Variants in ZNF124 observed in about 807,000 individuals in gnomAD.
The protein encoded by ZNF124 is zinc finger protein 124, also known as zinc finger protein HZF-16.
Under a neutral mutation model 26.6 loss-of-function variants are expected in ZNF124, and 25 were observed. The ratio of observed to expected loss-of-function variants is 0.94; its 90% CI spans 0.68 to 1.31. The LOEUF (loss-of-function observed/expected upper bound fraction) is 1.31. ZNF124 is among the 40% of genes most tolerant of loss of function. ZNF124 has a pLI of 0.00. For missense variants in ZNF124, 444 were observed against 422.2 expected (o/e 1.05, Z -0.45); for synonymous variants, 129 against 133.3 (o/e 0.97, Z 0.22).
chr1:247,130,224 T>C (rs1300854459), intron 3 of ZNF124, among the ~76,000 whole-genome samples: 1 of 152,212 alleles, frequency 6.6e-6, no homozygotes, highest in Non-Finnish European at 1.5e-5. Context: ...ATATTAGATA[T>C]CTAGTCATAT....
chr1:247,157,490 A>G, intron 3 of ZNF124, 87 bp from the exon 4 acceptor site: 1 of 1,365,302 alleles, frequency 7.3e-7, no homozygotes. Flanking sequence ...TTTTGTTCAG[A>G]TTAAAATTTG....
chr1:247,152,310 TATAA>T (rs1339865786), downstream of ZNF124, among the ~76,000 whole-genome samples: 2 of 148,904 alleles, frequency 1.3e-5, no homozygotes, highest in Non-Finnish European at 3.0e-5. Flanking sequence ...TAAAACAAAA[TATAA>T]ATAAATATAA....
chr1:247,123,577 T>C (rs912337579), exon 4 of ZNF124: 4 of 401,944 alleles, frequency 1.0e-5, no homozygotes, highest in Non-Finnish European at 1.8e-5. Flanking sequence ...AAATCGACCA[T>C]TTCCTCAGGT....
At chr1:247,154,260 T>C (rs1351768577), downstream of ZNF124, among the ~76,000 whole-genome samples, 1 of 152,206 alleles carries the variant, frequency 6.6e-6, no homozygotes, top group East Asian at 1.9e-4. Flanking sequence ...GCTGTTCTCA[T>C]GATAATGAGT....
intron 3 of ZNF124, among the ~76,000 whole-genome samples, chr1:247,143,507 C>T (rs1036962872): frequency 1.1e-4 from 16 of 152,094 alleles, no homozygotes; most frequent in Admixed American, 4.6e-4. Context: ...GCTCTAGGAT[C>T]GTTTCTAGAT....
At chr1:247,149,981 G>A (rs1394991311) in intron 3 of ZNF124, 2 of 152,192 alleles carry the variant, frequency 1.3e-5, no homozygotes, top group Non-Finnish European at 2.9e-5. Flanking sequence ...GGGGCAGAAA[G>A]GGCAGAACTC....
intron 3 of ZNF124, among the ~76,000 whole-genome samples, chr1:247,148,918 C>T (rs1490059481): frequency 1.3e-5 from 2 of 151,260 alleles, no homozygotes; most frequent in African/African-American, 4.9e-5. Context: ...TGCAGTGAGC[C>T]GAAATTGTGC....
chr1:247,146,903 G>T (rs1008048602), intron 3 of ZNF124, among the ~76,000 whole-genome samples: 6 of 152,178 alleles, frequency 3.9e-5, no homozygotes, highest in African/African-American at 1.4e-4. Flanking sequence ...GTACCGGGGG[G>T]TAGCTTCTGA....
rs180788535 is a variant in ZNF124, at chr1:247,137,810, C to T, written c.219-13939G>A. Among the ~76,000 whole-genome samples the T allele has an allele frequency of 8.5e-4, 130 of 152,288 alleles. 1 individual carries two copies. The highest frequency in any genetic ancestry group is 3.1e-3 in the African/African-American group (128 of 41,552). ...AAAGTGGGCAAGGGATATGAATAGA[C>T]ACTTCTCAAAAGAAGACATTTATGC... On this transcript the variant is annotated intron_variant, in intron 3 of 3. Transcript: ENST00000472531.
downstream of ZNF124, among the ~76,000 whole-genome samples, chr1:247,152,024 C>A (rs954967273): frequency 1.3e-5 from 2 of 148,972 alleles, no homozygotes; most frequent in African/African-American, 4.9e-5. Context: ...CTGGTGGTAT[C>A]TTTGGGCTAA....
chr1:247,156,367 C>G lies in ZNF124; in HGVS notation c.*199G>C. The G allele has an allele frequency of 8.0e-7, 1 of 1,250,102 alleles. No homozygotes were observed. 77.4% of individuals were successfully genotyped at this position (1,250,102 alleles called of 1,614,324 possible). A position where few individuals can be genotyped will look rare whatever the true frequency, so the allele number is the denominator to read the frequency against. ...ATGGATTTTCTTCAGTGAGTCCTTT[C>G]AAGTTTTCAAAAAGAAATGGAAAAA... is the stretch of plus-strand genomic sequence containing the variant. On this transcript the variant is annotated 3_prime_UTR_variant, in exon 4 of 4. Transcript: ENST00000543802.
Position 247,143,699 on chromosome 1 carries a change from A to C in ZNF124, c.218+15307T>G, listed in dbSNP as rs902681909. 3.7e-4 allele frequency among the ~76,000 whole-genome samples: 56 copies of C among 152,174 alleles called. 1 individual carries two copies. The highest frequency in any genetic ancestry group is 1.3e-4 in the Non-Finnish European group (9 of 68,024). On this transcript the variant is annotated intron_variant, in intron 3 of 3. Transcript: ENST00000472531. ...AGAGGAAAAAGGCAAGAGTCGGGCTATGTCTAGGATTCCCTTACCTGACTT... is the reference window on the plus strand; with the variant it reads ...AGAGGAAAAAGGCAAGAGTCGGGCTCTGTCTAGGATTCCCTTACCTGACTT...
intron 3 of ZNF124, among the ~76,000 whole-genome samples, chr1:247,139,399 C>T (rs924909117): frequency 6.6e-6 from 1 of 152,238 alleles, no homozygotes; most frequent in Non-Finnish European, 1.5e-5. Context: ...TCCTAGGTCA[C>T]TGCATGGGTC....
intron 3 of ZNF124, among the ~76,000 whole-genome samples, chr1:247,143,726 T>A (rs1011892559): frequency 3.3e-5 from 5 of 152,204 alleles, no homozygotes. Flanking sequence ...ACCTGACTTA[T>A]GTCTTTGGTT....
intron 3 of ZNF124, among the ~76,000 whole-genome samples, chr1:247,124,336 T>C (rs894335452): frequency 2.6e-5 from 4 of 151,992 alleles, no homozygotes; most frequent in African/African-American, 9.7e-5. Context: ...CCTGCGTAGC[T>C]GGGATTACAG....
At chr1:247,157,528 T>C in intron 3 of ZNF124, 125 bp from the exon 4 acceptor site, 1 of 822,916 alleles carries the variant, frequency 1.2e-6, no homozygotes, top group Non-Finnish European at 2.0e-6. Flanking sequence ...TACACTGACT[T>C]ATTTAATTTT....
chr1:247,138,846 C>T (rs1672554818), intron 3 of ZNF124: 1 of 397,698 alleles, frequency 2.5e-6, no homozygotes, highest in South Asian at 1.3e-4. Context: ...AAATGTCAAG[C>T]TGGGAACTGC....
chr1:247,151,439 A>G (rs191363309), downstream of ZNF124, among the ~76,000 whole-genome samples: 116 of 150,278 alleles, frequency 7.7e-4, 5 homozygotes, highest in Admixed American at 7.4e-3. Flanking sequence ...AGATCGCGCC[A>G]CTGCACTCCA....
chr1:247,157,350 T>C lies in ZNF124; in HGVS notation c.272A>G (p.Lys91Arg), dbSNP rs1383384651. ...ACATTGTTTACATGTACATGGCTTC[T>C]TTCCGCATTCCTCACACCCATATGG... Reference protein sequence around the residue: ...NNPYGCEECGKKPCTCKQCQK... With the variant: ...NNPYGCEECGRKPCTCKQCQK... Residue 91 changes from lysine to arginine, a missense_variant, in exon 4 of 4, where the codon AAG becomes AGG. By Grantham distance (26) the Lys-to-Arg change is conservative. Coordinates refer to ENST00000543802, the MANE Select transcript of ZNF124 (RefSeq NM_001297568.2). 6.4e-7 allele frequency: 1 copy of C among 1,557,188 alleles called. No homozygotes were observed. Among genetic ancestry groups the C allele is most frequent in the Non-Finnish European group, 8.7e-7 (1 of 1,149,520 alleles).
Sources: gnomAD v4.1 joint callset for allele counts (sites outside exome capture counted in the v4.1 genomes callset) on GRCh38, gnomAD v4.1.1 for gene constraint, MANE v1.5 for transcripts, NCBI Gene and HGNC (gene_info 2026-07-23, HGNC 2026-07-21) for gene names.